PATJ: variants seen among roughly 807,000 people sequenced by gnomAD.
The protein encoded by PATJ is inaD-like protein.
A neutral mutation model predicts 224.9 loss-of-function variants in PATJ; 190 were observed. The ratio of observed to expected loss-of-function variants is 0.84; its 90% CI spans 0.75 to 0.95. The LOEUF is 0.95. Ranked by LOEUF, PATJ falls within the 40% of genes least tolerant of loss-of-function variation. The pLI, the probability that PATJ is intolerant of heterozygous loss-of-function variation, is 0.00. For missense variants in PATJ, 2,121 were observed against 2,270.3 expected (o/e 0.93, Z 1.34); for synonymous variants, 769 against 820.3 (o/e 0.94, Z 1.07).
intron 16 of PATJ, among the ~76,000 whole-genome samples, chr1:61,829,625 A>C (rs145694470): frequency 6.6e-6 from 1 of 152,346 alleles, no homozygotes; most frequent in African/African-American, 2.4e-5. Flanking sequence ...GATATATTTC[A>C]GGTTGCAGTA....
chr1:62,057,116 C>T (rs1654683471), intron 31 of PATJ, among the ~76,000 whole-genome samples: 1 of 152,204 alleles, frequency 6.6e-6, no homozygotes, highest in African/African-American at 2.4e-5. Flanking sequence ...GCGTGAGCCA[C>T]TGTGCTGGGC....
chr1:61,850,359 C>A (rs1662621861), intron 17 of PATJ, among the ~76,000 whole-genome samples: 1 of 152,234 alleles, frequency 6.6e-6, no homozygotes. Context: ...ATGTTTGAAT[C>A]TGTTCATGTA....
chr1:62,136,607 G>A (rs961048211), intron 41 of PATJ, among the ~76,000 whole-genome samples: 1 of 149,966 alleles, frequency 6.7e-6, no homozygotes, highest in Non-Finnish European at 1.5e-5. Flanking sequence ...CATAGTTTGA[G>A]GGTCCAGCTG....
chr1:62,116,461 T>A (rs1355984144), intron 35 of PATJ, 71 bp from the exon 36 acceptor site: 1 of 1,506,480 alleles, frequency 6.6e-7, no homozygotes, highest in Non-Finnish European at 9.1e-7. Context: ...GTGCATCCTG[T>A]CACACACACA....
At chr1:62,057,019 G>T (rs1441601936) in intron 31 of PATJ, among the ~76,000 whole-genome samples, 1 of 152,106 alleles carries the variant, frequency 6.6e-6, no homozygotes, top group African/African-American at 2.4e-5. Flanking sequence ...TTGAGACAGG[G>T]TTTCACCATG....
chr1:61,858,747 A>T (rs1181043376), intron 18 of PATJ, among the ~76,000 whole-genome samples: 2 of 152,250 alleles, frequency 1.3e-5, no homozygotes, highest in Non-Finnish European at 2.9e-5. Flanking sequence ...AAACTGTATC[A>T]ATCATATATA....
chr1:61,743,485 T>C (rs1570172015), intron 1 of PATJ, among the ~76,000 whole-genome samples: 1 of 152,308 alleles, frequency 6.6e-6, no homozygotes, highest in African/African-American at 2.4e-5. Context: ...ATTTAGGGTC[T>C]GGCTATTGGT....
chr1:61,814,991 T>C (rs1205931263), intron 14 of PATJ, among the ~76,000 whole-genome samples: 1 of 152,196 alleles, frequency 6.6e-6, no homozygotes, highest in Non-Finnish European at 1.5e-5. Context: ...CTTGCTCTCA[T>C]AGAGCTTAGA....
intron 27 of PATJ, among the ~76,000 whole-genome samples, chr1:61,947,123 CA>C: frequency 6.6e-6 from 1 of 152,254 alleles, no homozygotes; most frequent in Non-Finnish European, 1.5e-5. Context: ...ACTGAATGGG[CA>C]AAAACTGGAA....
At position 62,023,423 on chromosome 1, in the gene PATJ, G is replaced by T. The variant is rs913856252; in HGVS notation, c.3959+5476G>T. Among the ~76,000 whole-genome samples, 4 of 152,154 alleles carry T rather than the reference G, an allele frequency of 2.6e-5. 1 individual carries two copies. The highest frequency in any genetic ancestry group is 9.7e-5 in the African/African-American group (4 of 41,430). ...ACATTCATTCATTTTTTTAACAGGTGTTTACAGAACACCTACTTGTGTTAA... is the reference window on the plus strand; with the variant it reads ...ACATTCATTCATTTTTTTAACAGGTTTTTACAGAACACCTACTTGTGTTAA... On this transcript the variant is annotated intron_variant, in intron 29 of 43. Coordinates refer to ENST00000642238, the MANE Select transcript of PATJ (RefSeq NM_001350145.3).
chr1:61,909,823 A>G (rs572514531), intron 25 of PATJ, among the ~76,000 whole-genome samples: 1 of 152,318 alleles, frequency 6.6e-6, no homozygotes, highest in South Asian at 2.1e-4. Flanking sequence ...ATGTTTGGCT[A>G]TCCCAGTGGT....
intron 31 of PATJ, among the ~76,000 whole-genome samples, chr1:62,063,043 G>A (rs769965465): frequency 3.3e-4 from 50 of 152,092 alleles, no homozygotes; most frequent in Non-Finnish European, 6.5e-4. Flanking sequence ...TGTTTTGGTT[G>A]CAATTGTTTT....
intron 30 of PATJ, among the ~76,000 whole-genome samples, chr1:62,046,171 C>A (rs929944165): frequency 7.5e-6 from 1 of 133,392 alleles, no homozygotes; most frequent in Non-Finnish European, 1.5e-5. Context: ...CACTGCACTC[C>A]AGCTTGGGTG....
At chr1:61,878,000 T>C (rs1667568716) in intron 21 of PATJ, among the ~76,000 whole-genome samples, 1 of 152,206 alleles carries the variant, frequency 6.6e-6, no homozygotes, top group African/African-American at 2.4e-5. Context: ...AATGTGTGCC[T>C]GTGCACTGAC....
intron 25 of PATJ, among the ~76,000 whole-genome samples, chr1:61,913,584 T>G (rs1557867519): frequency 1.3e-5 from 2 of 152,262 alleles, no homozygotes; most frequent in African/African-American, 4.8e-5. Context: ...TTGAGGAGCT[T>G]CTTTTTATAA....
chr1:61,973,293 C>G (rs867704088), intron 27 of PATJ, among the ~76,000 whole-genome samples: 90 of 152,068 alleles, frequency 5.9e-4, no homozygotes, highest in African/African-American at 2.1e-3. Flanking sequence ...CGTCCAATCT[C>G]AGCTGGAATT....
chr1:61,966,364 G>A (rs1053879087), intron 27 of PATJ, among the ~76,000 whole-genome samples: 1 of 152,166 alleles, frequency 6.6e-6, no homozygotes, highest in Admixed American at 6.5e-5. Flanking sequence ...CTTGGATCTC[G>A]CGCCAAGGCG....
chr1:61,884,451 G>GTT lies in PATJ; in HGVS notation c.3131+64_3131+65dup, dbSNP rs72229771. ...TTTGTTTTCACATTATAAAATAGTG[G>GTT]TTTTTTTTTTTTTTTTTTTTTTGCT... is the stretch of plus-strand genomic sequence containing the variant. On this transcript the variant is annotated intron_variant, in intron 22 of 43. Transcript: ENST00000642238. The GTT allele has an allele frequency of 7.1e-4, 453 of 642,466 alleles. 1 individual carries two copies. Among genetic ancestry groups the GTT allele is most frequent in the African/African-American group, 4.5e-3 (187 of 41,410 alleles). The allele number at this position is 642,466 out of a possible 1,614,324, so 39.8% of individuals were successfully genotyped here.
intron 9 of PATJ, among the ~76,000 whole-genome samples, chr1:61,793,959 A>G (rs12116544): frequency 1 from 147,581 of 147,582 alleles, 73,790 homozygotes; most frequent in Middle Eastern, 1. Context: ...CTGGGGTGCA[A>G]TGGCACAGTC....
Sources: allele counts gnomAD v4.1 joint callset (sites outside exome capture counted in the v4.1 genomes callset), GRCh38; gene constraint gnomAD v4.1.1; transcripts MANE v1.5; gene names NCBI Gene and HGNC (gene_info 2026-07-23, HGNC 2026-07-21).